WWOX: variants seen among roughly 807,000 people sequenced by gnomAD.
The protein encoded by WWOX is WW domain-containing oxidoreductase.
In WWOX, 69 loss-of-function variants were observed where a neutral mutation model predicts 46.2. That is an observed-to-expected ratio of 1.49 (90% CI 1.23 to 1.82). The LOEUF (loss-of-function observed/expected upper bound fraction) is 1.82, where lower values mean the gene tolerates loss of function less well. WWOX is among the 40% of genes most tolerant of loss of function. The pLI, the probability that WWOX is intolerant of heterozygous loss-of-function variation, is 0.00. For synonymous variants in WWOX, 359 were observed against 202.6 expected, an observed-to-expected ratio of 1.77 and a Z score of -6.56; for missense variants, 919 against 542.6, an observed-to-expected ratio of 1.69 and a Z score of -6.89.
chr16:79,068,743 C>G (rs1405172149), intron 8 of WWOX, among the ~76,000 whole-genome samples: 1 of 151,368 alleles, frequency 6.6e-6, no homozygotes. Flanking sequence ...CCCAGGAGGC[C>G]AAGGCTGCAG....
chr16:78,117,852 T>G (rs1249105791), intron 4 of WWOX, among the ~76,000 whole-genome samples: 2 of 152,170 alleles, frequency 1.3e-5, no homozygotes, highest in Non-Finnish European at 2.9e-5. Context: ...CCTGTTTTCT[T>G]TGGATAAACC....
In WWOX at chr16:78,418,972, A is replaced by C. The variant is rs147689779; in HGVS notation, c.606-5898A>C. On this transcript the variant is annotated intron_variant, in intron 6 of 8. Coordinates refer to ENST00000566780, the MANE Select transcript of WWOX (RefSeq NM_016373.4). ...GGGCAAAAAACAAAAAAGCAAAAGA[A>C]TGGAAAAAAAAGATCCAGATTGAAA... Among the ~76,000 whole-genome samples the C allele has an allele frequency of 6.1e-3, 928 of 152,284 alleles. 10 individuals are homozygous for C. The highest frequency in any genetic ancestry group is 0.021 in the African/African-American group (892 of 41,572).
chr16:78,581,335 A>T (rs768308479), intron 8 of WWOX, among the ~76,000 whole-genome samples: 1 of 152,220 alleles, frequency 6.6e-6, no homozygotes, highest in South Asian at 2.1e-4. Flanking sequence ...ATGGGTTAGC[A>T]TAATTCAAAA....
intron 6 of WWOX, among the ~76,000 whole-genome samples, chr16:78,421,967 C>T (rs7193791): frequency 0.087 from 13,227 of 152,022 alleles, 1,664 homozygotes; most frequent in African/African-American, 0.28. Context: ...TATATTCCCA[C>T]CAACTTTATA....
chr16:78,804,041 A>C (rs2293901), intron 8 of WWOX, among the ~76,000 whole-genome samples: 66,237 of 151,880 alleles, frequency 0.44, 16,016 homozygotes, highest in Middle Eastern at 0.63. Flanking sequence ...AGATGGAAAC[A>C]CTTCTTTCCT....
intron 8 of WWOX, among the ~76,000 whole-genome samples, chr16:79,003,907 G>C (rs1171993590): frequency 6.6e-6 from 1 of 152,182 alleles, no homozygotes; most frequent in South Asian, 2.1e-4. Context: ...GAGGAGAAGC[G>C]AATTGATGGG....
At chr16:78,733,522 C>T (rs1292000489) in intron 8 of WWOX, among the ~76,000 whole-genome samples, 8 of 149,912 alleles carry the variant, frequency 5.3e-5, no homozygotes, top group African/African-American at 1.5e-4. Flanking sequence ...ACGAGGTGGG[C>T]GGATCACGAG....
At chr16:79,117,158 C>G (rs533297814) in intron 8 of WWOX, among the ~76,000 whole-genome samples, 2 of 152,114 alleles carry the variant, frequency 1.3e-5, no homozygotes, top group Non-Finnish European at 2.9e-5. Flanking sequence ...ACTACAGGCA[C>G]ATGCCACTAG....
At chr16:78,732,462 C>T (rs1033530392) in intron 8 of WWOX, among the ~76,000 whole-genome samples, 1 of 152,116 alleles carries the variant, frequency 6.6e-6, no homozygotes, top group African/African-American at 2.4e-5. Flanking sequence ...ATTCCAGTTT[C>T]CAAACACTGT....
intron 8 of WWOX, among the ~76,000 whole-genome samples, chr16:79,098,126 A>G (rs2049114459): frequency 6.6e-6 from 1 of 152,188 alleles, no homozygotes; most frequent in Admixed American, 6.5e-5. Flanking sequence ...TAGTCCAGCA[A>G]ATTTCAAACC....
intron 8 of WWOX, among the ~76,000 whole-genome samples, chr16:78,876,922 T>C (rs953416370): frequency 5.9e-5 from 9 of 152,230 alleles, no homozygotes; most frequent in African/African-American, 9.6e-5. Context: ...CTTGTAACTC[T>C]ACTTAAAATT....
chr16:78,724,369 C>G (rs534244520), intron 8 of WWOX, among the ~76,000 whole-genome samples: 62 of 152,266 alleles, frequency 4.1e-4, no homozygotes, highest in African/African-American at 1.4e-3. Context: ...GCAACAACTC[C>G]TAAAATATTT....
chr16:78,419,270 A>G (rs550565860), intron 6 of WWOX, among the ~76,000 whole-genome samples: 2 of 152,182 alleles, frequency 1.3e-5, no homozygotes, highest in African/African-American at 2.4e-5. Flanking sequence ...TGACTTTTTT[A>G]CAGAAATTGA....
intron 8 of WWOX, among the ~76,000 whole-genome samples, chr16:79,142,829 G>T (rs2050115606): frequency 6.6e-6 from 1 of 152,048 alleles, no homozygotes; most frequent in South Asian, 2.1e-4. Context: ...CTCCCAAGTA[G>T]CTGGGACTAC....
chr16:78,933,130 G>A (rs371294556), intron 8 of WWOX, among the ~76,000 whole-genome samples: 1 of 152,160 alleles, frequency 6.6e-6, no homozygotes, highest in Non-Finnish European at 1.5e-5. Context: ...GAGACTCTTT[G>A]AACACTTTTT....
chr16:78,774,077 C>T (rs2050129057), intron 8 of WWOX, among the ~76,000 whole-genome samples: 1 of 152,142 alleles, frequency 6.6e-6, no homozygotes, highest in African/African-American at 2.4e-5. Flanking sequence ...CGTCTAGGTC[C>T]TTCTGAAAGA....
intron 8 of WWOX, among the ~76,000 whole-genome samples, chr16:79,039,948 G>A (rs1567507727): frequency 6.6e-6 from 1 of 152,204 alleles, no homozygotes; most frequent in Non-Finnish European, 1.5e-5. Flanking sequence ...CTGGAGGGGT[G>A]TAGTGTGTTG....
At position 78,433,777 on chromosome 16, in the gene WWOX, C is replaced by CTTT. The variant is rs547236644; in HGVS notation, c.1056+1053_1056+1055dup. Among the ~76,000 whole-genome samples the CTTT allele has an allele frequency of 2.0e-3, 165 of 84,398 alleles. 15 individuals are homozygous for CTTT. Among genetic ancestry groups the CTTT allele is most frequent in the East Asian group, 3.9e-3 (9 of 2,320 alleles). 55.4% of individuals were successfully genotyped at this position (84,398 alleles called of 152,430 possible). On this transcript the variant is annotated intron_variant, in intron 8 of 8. Coordinates refer to ENST00000566780, the MANE Select transcript of WWOX (RefSeq NM_016373.4). ...CCTTAACCTTCGTATTTGGGGATGA[C>CTTT]TTTTTTTTTTTTTTTTTTTTTTTTT...
At chr16:78,204,742 A>G (rs2036339018) in intron 5 of WWOX, among the ~76,000 whole-genome samples, 1 of 152,168 alleles carries the variant, frequency 6.6e-6, no homozygotes, top group Non-Finnish European at 1.5e-5. Flanking sequence ...ACCTGATTAC[A>G]CACCTGCGTG....
Sources: gnomAD v4.1 joint callset for allele counts (sites outside exome capture counted in the v4.1 genomes callset) on GRCh38, gnomAD v4.1.1 for gene constraint, MANE v1.5 for transcripts, NCBI Gene and HGNC (gene_info 2026-07-23, HGNC 2026-07-21) for gene names.